The following CHRDL1 variants were observed in gnomAD, a reference collection of about 807,000 sequenced individuals.
CHRDL1 encodes chordin-like protein 1.
In CHRDL1, 19 loss-of-function variants were observed where a neutral mutation model predicts 40.9. That is an observed-to-expected ratio of 0.46 (90% CI 0.32 to 0.68). The LOEUF is 0.68. Among genes scored for constraint, CHRDL1 ranks in the 30% least tolerant of loss-of-function variants. The pLI is 0.03. For missense variants in CHRDL1, 329 were observed against 352.1 expected, an observed-to-expected ratio of 0.93 and a Z score of 0.53; for synonymous variants, 136 against 123.4, an observed-to-expected ratio of 1.10 and a Z score of -0.68.
At chrX:110,794,300 C>G (rs756136127) in intron 1 of CHRDL1, among the ~76,000 whole-genome samples, 1 of 112,255 alleles carries the variant, frequency 8.9e-6, no homozygotes, top group East Asian at 2.8e-4. Context: ...ACCCAGTTAA[C>G]TGGAGTTATT....
At chrX:110,774,363 T>C (rs2089811900) in intron 2 of CHRDL1, among the ~76,000 whole-genome samples, 1 of 111,915 alleles carries the variant, frequency 8.9e-6, no homozygotes, top group Admixed American at 9.5e-5. Context: ...CTGAAAATAT[T>C]CTTTGGTATG....
intron 8 of CHRDL1, among the ~76,000 whole-genome samples, chrX:110,692,136 G>C (rs2070292501): frequency 9.0e-6 from 1 of 111,588 alleles, no homozygotes; most frequent in Admixed American, 9.5e-5. Flanking sequence ...AACGATCCAT[G>C]ATGAGCAGGG....
chrX:110,678,267 C>T (rs780176849), intron 11 of CHRDL1, among the ~76,000 whole-genome samples: 1 of 111,745 alleles, frequency 8.9e-6, no homozygotes, highest in South Asian at 3.8e-4. Context: ...CATCTGATAG[C>T]CGAAAGACAT....
chrX:110,706,493 G>A (rs1486453997), intron 6 of CHRDL1, among the ~76,000 whole-genome samples: 1 of 111,687 alleles, frequency 9.0e-6, no homozygotes, highest in Non-Finnish European at 1.9e-5. Flanking sequence ...TTCTAGTAGT[G>A]GGAGAAAGGG....
intron 2 of CHRDL1, among the ~76,000 whole-genome samples, chrX:110,780,992 C>T (rs1257873360): frequency 9.0e-6 from 1 of 110,729 alleles, no homozygotes; most frequent in Non-Finnish European, 1.9e-5. Context: ...GTTTTTCAGC[C>T]AAATCTTAGC....
intron 4 of CHRDL1, among the ~76,000 whole-genome samples, chrX:110,736,973 C>T (rs113978123): frequency 9.0e-6 from 1 of 111,722 alleles, no homozygotes; most frequent in South Asian, 3.8e-4. Flanking sequence ...GAAGTGATCC[C>T]AGAAGTGGAG....
chrX:110,770,690 T>C (rs895035793), intron 2 of CHRDL1, among the ~76,000 whole-genome samples: 8 of 111,536 alleles, frequency 7.2e-5, no homozygotes, highest in Non-Finnish European at 1.3e-4. Flanking sequence ...GAGGGTTTCA[T>C]TGCATTGACT....
Position 110,674,779 on chromosome X carries a change from C to G in CHRDL1, c.*1452G>C, listed in dbSNP as rs2069741148. 1 of 112,262 alleles carries G rather than the reference C, an allele frequency of 8.9e-6. No individual in the cohort carries two copies. Among genetic ancestry groups the G allele is most frequent in the African/African-American group, 3.2e-5 (1 of 30,915 alleles). 9.3% of individuals were successfully genotyped at this position (112,262 alleles called of 1,213,427 possible). A position where few individuals can be genotyped will look rare whatever the true frequency, so the allele number is the denominator to read the frequency against. The stretch of plus-strand genomic sequence containing the variant: ...GGGTTTCTGGGTCCTTAAAACATTT[C>G]TACAGTTCATTCCTGCCCCTCAGAG... On this transcript the variant is annotated 3_prime_UTR_variant, in exon 12 of 12. Coordinates refer to ENST00000372042, the MANE Select transcript of CHRDL1 (RefSeq NM_001143981.2).
chrX:110,717,804 T>C (rs1382598140), intron 6 of CHRDL1, among the ~76,000 whole-genome samples: 3 of 111,855 alleles, frequency 2.7e-5, no homozygotes, highest in Non-Finnish European at 5.6e-5. Flanking sequence ...AAGATTAAAA[T>C]GGCAGTAATG....
intron 9 of CHRDL1, 101 bp downstream of exon 9, chrX:110,688,493 T>C (rs192068376): frequency 3.6e-6 from 2 of 548,568 alleles, no homozygotes; most frequent in East Asian, 6.6e-5. Context: ...ATATTATCAT[T>C]ACAATTATAT....
intron 4 of CHRDL1, among the ~76,000 whole-genome samples, chrX:110,752,808 C>T (rs1222483668): frequency 9.0e-6 from 1 of 111,109 alleles, no homozygotes; most frequent in Non-Finnish European, 1.9e-5. Flanking sequence ...AGGAATTGAT[C>T]TGTTTTGATA....
chrX:110,741,317 C>G (rs1055820739), intron 4 of CHRDL1, among the ~76,000 whole-genome samples: 1 of 111,726 alleles, frequency 9.0e-6, no homozygotes, highest in Non-Finnish European at 1.9e-5. Context: ...AGGATCTGAA[C>G]AAAGGGTATA....
intron 4 of CHRDL1, among the ~76,000 whole-genome samples, chrX:110,738,879 T>C (rs2071311820): frequency 9.0e-6 from 1 of 111,543 alleles, no homozygotes; most frequent in Non-Finnish European, 1.9e-5. Flanking sequence ...ATTTTAATGG[T>C]TTCCTTTTAC....
At chrX:110,770,406 T>C (rs1309538116) in intron 2 of CHRDL1, among the ~76,000 whole-genome samples, 1 of 110,842 alleles carries the variant, frequency 9.0e-6, no homozygotes, top group African/African-American at 3.3e-5. Flanking sequence ...GGGATTCAGC[T>C]AAAAAAGCAC....
chrX:110,756,526 C>A (rs183996830), intron 4 of CHRDL1, among the ~76,000 whole-genome samples: 103 of 111,298 alleles, frequency 9.3e-4, no homozygotes, highest in African/African-American at 2.8e-3. Flanking sequence ...AGTCCATGAT[C>A]ATTATCAGAG....
At chrX:110,761,198 C>A (rs1285565516) in intron 3 of CHRDL1, among the ~76,000 whole-genome samples, 1 of 111,588 alleles carries the variant, frequency 9.0e-6, no homozygotes, top group African/African-American at 3.3e-5. Context: ...GAATGAATAT[C>A]ACAGAGGTCA....
intron 4 of CHRDL1, among the ~76,000 whole-genome samples, chrX:110,729,230 T>A (rs149123000): frequency 8.9e-6 from 1 of 112,070 alleles, no homozygotes; most frequent in East Asian, 2.8e-4. Flanking sequence ...TCAGACGACA[T>A]TTTCCTTGGG....
intron 4 of CHRDL1, among the ~76,000 whole-genome samples, chrX:110,738,615 G>A (rs753040557): frequency 8.0e-4 from 88 of 109,318 alleles, no homozygotes; most frequent in African/African-American, 2.2e-3. Flanking sequence ...GGTGGCGGGC[G>A]CCTGTAGTCC....
At chrX:110,783,807 C>T (rs1387107901) in intron 2 of CHRDL1, among the ~76,000 whole-genome samples, 6 of 111,990 alleles carry the variant, frequency 5.4e-5, no homozygotes, top group Admixed American at 3.8e-4. Flanking sequence ...AGATACGTGT[C>T]ACTATGCCAT....
Sources: gnomAD v4.1 joint callset for allele counts (sites outside exome capture counted in the v4.1 genomes callset) on GRCh38, gnomAD v4.1.1 for gene constraint, MANE v1.5 for transcripts, NCBI Gene and HGNC (gene_info 2026-07-23, HGNC 2026-07-21) for gene names.